The following XPO7 variants were observed in gnomAD, a reference collection of about 807,000 sequenced individuals.
XPO7 encodes exportin-7.
Under a neutral mutation model 144.3 loss-of-function variants are expected in XPO7, and 21 were observed. That is an observed-to-expected ratio of 0.15 (90% CI 0.10 to 0.21). XPO7 has a LOEUF of 0.21. Among genes scored for constraint, XPO7 ranks in the 10% least tolerant of loss-of-function variants. The pLI is 1.00. For synonymous variants in XPO7, 580 were observed against 499.6 expected, an observed-to-expected ratio of 1.16 and a Z score of -2.15; for missense variants, 808 against 1,325.8, an observed-to-expected ratio of 0.61 and a Z score of 6.06.
chr8:21,990,638 TTAG>T (rs1812740790), intron 17 of XPO7, 170 bp from the exon 18 acceptor site: 4 of 719,910 alleles, frequency 5.6e-6, no homozygotes, highest in Non-Finnish European at 9.1e-6. Flanking sequence ...TGCAGATAAA[TTAG>T]TAGTAGTGAC....
chr8:21,947,736 C>A (rs555322290), intron 1 of XPO7, among the ~76,000 whole-genome samples: 2 of 152,172 alleles, frequency 1.3e-5, no homozygotes, highest in Admixed American at 1.3e-4. Context: ...AAATTAAGAA[C>A]GTATATTCAT....
chr8:21,939,141 T>C (rs1810911386), intron 1 of XPO7, among the ~76,000 whole-genome samples: 1 of 152,180 alleles, frequency 6.6e-6, no homozygotes, highest in Non-Finnish European at 1.5e-5. Flanking sequence ...ACATATTCTT[T>C]CTAAAAAATA....
chr8:21,980,191 G>A lies in XPO7; in HGVS notation c.945G>A (p.Leu315=). 2 of 1,593,784 alleles carry A rather than the reference G, an allele frequency of 1.3e-6. No homozygotes were observed. Among genetic ancestry groups the A allele is most frequent in the Non-Finnish European group, 1.7e-6 (2 of 1,169,118 alleles). The part of the protein sequence containing the change: ...SHLVDGVKRI[L]ENPQSLSDPN... Reference sequence around the variant, plus strand: ...TTGTTGATGGTGTTAAACGAATACTGGAAAACCCACAGGTAAGTTTATCTG... The same window carrying A: ...TTGTTGATGGTGTTAAACGAATACTAGAAAACCCACAGGTAAGTTTATCTG... The change falls in exon 9 of 28, where the codon CTG becomes CTA. Residue 315 remains leucine, a synonymous_variant. Transcript: ENST00000252512.
At chr8:21,953,783 A>G (rs1246391921) in intron 1 of XPO7, among the ~76,000 whole-genome samples, 1 of 152,196 alleles carries the variant, frequency 6.6e-6, no homozygotes, top group Admixed American at 6.5e-5. Flanking sequence ...ATCTTTTCAT[A>G]TGCTTATTTG....
In XPO7 at chr8:21,990,425, T is replaced by C; in HGVS notation, c.1932+18T>C. On this transcript the variant is annotated intron_variant, in intron 17 of 27. Coordinates refer to ENST00000252512, the MANE Select transcript of XPO7 (RefSeq NM_015024.5). ...ATCACACGGTGAGTGATTTTAGCTT[T>C]TTTTCCTGGCCCTCCTACCACCCAC... 1 of 1,613,230 alleles carries C rather than the reference T, an allele frequency of 6.2e-7. No homozygotes were observed.
intron 1 of XPO7, among the ~76,000 whole-genome samples, chr8:21,964,635 C>T (rs1344574841): frequency 2.6e-5 from 4 of 151,888 alleles, no homozygotes; most frequent in Non-Finnish European, 5.9e-5. Flanking sequence ...ATGGAGCTGT[C>T]GTTCTTCAAA....
At chr8:21,990,958 G>A in intron 18 of XPO7, 39 bp downstream of exon 18, 1 of 1,572,836 alleles carries the variant, frequency 6.4e-7, no homozygotes, top group Non-Finnish European at 8.7e-7. Context: ...AAGTCATCTG[G>A]CACTCTTCTA....
chr8:21,987,789 C>T lies in XPO7; in HGVS notation c.1719C>T (p.Tyr573=). The T allele has an allele frequency of 6.2e-7, 1 of 1,613,878 alleles. No individual in the cohort carries two copies. The highest frequency in any genetic ancestry group is 8.5e-7 in the Non-Finnish European group (1 of 1,179,784). The part of the protein sequence containing the change: ...GDQVQKSSKL[Y]RRLSEVLGLN... Reference sequence around the variant, plus strand: ...CTTTCTCTTCTTAACACCAGCTGTACCGCCGACTCTCAGAAGTTCTGGGCT... The same window carrying T: ...CTTTCTCTTCTTAACACCAGCTGTATCGCCGACTCTCAGAAGTTCTGGGCT... Residue 573 remains tyrosine (Y), a synonymous_variant, in exon 15 of 28, where the codon TAC becomes TAT. Transcript: ENST00000252512.
chr8:21,996,095 G>A (rs1201837308), intron 21 of XPO7, among the ~76,000 whole-genome samples: 4 of 152,158 alleles, frequency 2.6e-5, no homozygotes, highest in South Asian at 2.1e-4. Context: ...GATTACAGGC[G>A]TGAGCCACTG....
chr8:21,922,315 T>G (rs1810314965), intron 1 of XPO7, among the ~76,000 whole-genome samples: 1 of 152,090 alleles, frequency 6.6e-6, no homozygotes, highest in Non-Finnish European at 1.5e-5. Context: ...AAAACTTTAG[T>G]AATGGGAAAA....
intron 19 of XPO7, among the ~76,000 whole-genome samples, chr8:21,994,156 C>T (rs748153768): frequency 1.4e-4 from 22 of 152,146 alleles, no homozygotes; most frequent in Non-Finnish European, 2.8e-4. Context: ...CCAAAGCTAA[C>T]AAACTTCAAA....
At chr8:21,968,265 A>T (rs1811948628) in intron 2 of XPO7, among the ~76,000 whole-genome samples, 4 of 152,254 alleles carry the variant, frequency 2.6e-5, no homozygotes, top group Admixed American at 2.6e-4. Flanking sequence ...GAAAAAATGA[A>T]AGTTAATTGG....
chr8:21,951,156 C>G (rs565047789), intron 1 of XPO7, among the ~76,000 whole-genome samples: 46 of 152,064 alleles, frequency 3.0e-4, no homozygotes, highest in African/African-American at 1.1e-3. Flanking sequence ...ATAGTTGGTA[C>G]TCAGCAAAGT....
At chr8:22,004,074 T>C in intron 27 of XPO7, 44 bp downstream of exon 27, 1 of 1,608,336 alleles carries the variant, frequency 6.2e-7, no homozygotes, top group Non-Finnish European at 8.5e-7. Context: ...ACAATTGCTA[T>C]TTTTCAAATC....
chr8:21,937,590 A>G (rs574721136), intron 1 of XPO7, among the ~76,000 whole-genome samples: 2 of 152,252 alleles, frequency 1.3e-5, no homozygotes, highest in South Asian at 4.1e-4. Flanking sequence ...CCATTTGTCA[A>G]CCCAGGGAAG....
At chr8:21,964,373 A>G (rs1408878064) in intron 1 of XPO7, 1 of 152,226 alleles carries the variant, frequency 6.6e-6, no homozygotes. Context: ...GTTATAGCTA[A>G]TCAAATAATT....
intron 7 of XPO7, among the ~76,000 whole-genome samples, chr8:21,976,912 G>GCCTCCCAGAGTGCT (rs1812241658): frequency 6.6e-6 from 1 of 152,160 alleles, no homozygotes; most frequent in African/African-American, 2.4e-5. Flanking sequence ...TCCTATCTTG[G>GCCTCCCAGAGTGCT]CCTCCCAGAG....
At chr8:21,947,430 T>C (rs551859355) in intron 1 of XPO7, among the ~76,000 whole-genome samples, 1 of 152,274 alleles carries the variant, frequency 6.6e-6, no homozygotes, top group African/African-American at 2.4e-5. Context: ...CTGAGGTATA[T>C]TAGTAATCAC....
intron 1 of XPO7, among the ~76,000 whole-genome samples, chr8:21,940,991 C>A (rs1810972446): frequency 6.6e-6 from 1 of 152,118 alleles, no homozygotes; most frequent in Non-Finnish European, 1.5e-5. Context: ...CTGAGTTCTT[C>A]AGTAGGTAAA....
Sources: gnomAD v4.1 joint callset for allele counts (sites outside exome capture counted in the v4.1 genomes callset) on GRCh38, gnomAD v4.1.1 for gene constraint, MANE v1.5 for transcripts, NCBI Gene and HGNC (gene_info 2026-07-23, HGNC 2026-07-21) for gene names.